NACC2: variants seen among roughly 807,000 people sequenced by gnomAD.
The protein encoded by NACC2 is NACC family member 2.
In NACC2, 8 loss-of-function variants were observed where a neutral mutation model predicts 25.1. The observed-to-expected ratio is 0.32, with a 90% CI of 0.19 to 0.57. NACC2 has a LOEUF of 0.57. NACC2 is among the 20% of genes least tolerant of loss of function. The pLI, the probability that NACC2 is intolerant of heterozygous loss-of-function variation, is 0.89. For missense variants in NACC2, 644 were observed against 650.2 expected (o/e 0.99, Z 0.10); for synonymous variants, 435 against 294.7 (o/e 1.48, Z -4.88).
At chr9:136,041,072 G>C (rs1457069855) in intron 2 of NACC2, among the ~76,000 whole-genome samples, 2 of 149,872 alleles carry the variant, frequency 1.3e-5, no homozygotes, top group African/African-American at 4.9e-5. Flanking sequence ...AGGAAGGAAG[G>C]AAGGAAAGGA....
At chr9:136,017,629 G>A (rs1165695650) in intron 2 of NACC2, among the ~76,000 whole-genome samples, 1 of 150,814 alleles carries the variant, frequency 6.6e-6, no homozygotes, top group East Asian at 2.0e-4. Flanking sequence ...GCGGGCCCCC[G>A]GTGCTCACAT....
rs1377204014 is a variant in NACC2, at chr9:136,049,977, G to A, written c.545C>T (p.Pro182Leu). The A allele has an allele frequency of 3.9e-5, 25 of 637,422 alleles. No individual in the cohort carries two copies. The highest frequency in any genetic ancestry group is 5.3e-5 in the Non-Finnish European group (19 of 357,078). The allele number at this position is 637,422 out of a possible 1,614,324, so 39.5% of individuals were successfully genotyped here. A position where few individuals can be genotyped will look rare whatever the true frequency, so the allele number is the denominator to read the frequency against. The change falls in exon 2 of 6, where the codon CCG (proline) becomes CTG (leucine). Residue 182 changes from proline (P) to leucine (L), a missense_variant. Pro to Leu is a moderately conservative substitution (Grantham distance 98). Coordinates refer to ENST00000277554, the MANE Select transcript of NACC2 (RefSeq NM_144653.5). ...CTTGGGGGCCAGGCCTGGGCCGGCC[G>A]GCGGCAGCTCCATGGCTTCATGCTT... ...RVKHEAMELPPAGPGLAPKRP... is the reference protein window; with the variant it reads ...RVKHEAMELPLAGPGLAPKRP...
intron 1 of NACC2, among the ~76,000 whole-genome samples, chr9:136,094,153 C>A (rs1277704172): frequency 6.6e-6 from 1 of 152,236 alleles, no homozygotes; most frequent in Non-Finnish European, 1.5e-5. Flanking sequence ...AAGGAACGCG[C>A]AGCAGAGAAC....
chr9:136,058,934 C>G (rs774897007), intron 1 of NACC2, among the ~76,000 whole-genome samples: 12 of 152,206 alleles, frequency 7.9e-5, no homozygotes, highest in Non-Finnish European at 1.5e-4. Context: ...TAGCGCTGCC[C>G]CTGGATGGGT....
Position 136,014,094 on chromosome 9 carries a change from C to CT in NACC2, c.1052-126dup, listed in dbSNP as rs1469562869. ...GAGGAGGAGCTGGAAGCTTCTAGGA[C>CT]TTTTTTTGGGGAGGAGCAATTTGAG... is the stretch of plus-strand genomic sequence containing the variant. On this transcript the variant is annotated intron_variant, in intron 3 of 5. Transcript: ENST00000277554. The CT allele has an allele frequency of 5.6e-5, 39 of 697,880 alleles. No individual in the cohort carries two copies. In the African/African-American group the frequency reaches 6.0e-4, roughly 11 times the overall value. 43.2% of individuals were successfully genotyped at this position (697,880 alleles called of 1,614,324 possible). A position where few individuals can be genotyped will look rare whatever the true frequency, so the allele number is the denominator to read the frequency against.
At chr9:136,036,485 A>C (rs1840555886) in intron 2 of NACC2, among the ~76,000 whole-genome samples, 1 of 152,242 alleles carries the variant, frequency 6.6e-6, no homozygotes. Flanking sequence ...ATACATACAC[A>C]CACACATAAA....
Position 136,006,985 on chromosome 9 carries a change from C to G in NACC2, c.*4531G>C, listed in dbSNP as rs1437650859. 6.5e-6 allele frequency: 1 copy of G among 154,026 alleles called. No homozygotes were observed. Among genetic ancestry groups the G allele is most frequent in the Non-Finnish European group, 1.5e-5 (1 of 68,224 alleles). 9.5% of individuals were successfully genotyped at this position (154,026 alleles called of 1,614,324 possible). ...ACAACCGTCTCCTTTTTAAAAGTCT[C>G]TTTTTTCCAAACATTCCATCCGAAG... On this transcript the variant is annotated 3_prime_UTR_variant, in exon 6 of 6. Transcript: ENST00000277554.
At chr9:136,063,536 T>C (rs776224924) in intron 1 of NACC2, among the ~76,000 whole-genome samples, 2 of 152,124 alleles carry the variant, frequency 1.3e-5, no homozygotes, top group Non-Finnish European at 2.9e-5. Flanking sequence ...TTCCCTCCCA[T>C]AAAGTATAGA....
intron 1 of NACC2, among the ~76,000 whole-genome samples, chr9:136,071,505 T>G (rs1206661761): frequency 2.5e-5 from 3 of 122,176 alleles, no homozygotes; most frequent in Non-Finnish European, 4.7e-5. Context: ...ACCATGCCAA[T>G]GCACTCCAGC....
chr9:136,007,085 C>CT lies in NACC2; in HGVS notation c.*4430dup, dbSNP rs371539423. 3.9e-5 allele frequency: 6 copies of CT among 154,194 alleles called. No individual in the cohort carries two copies. Among genetic ancestry groups the CT allele is most frequent in the Middle Eastern group, 5.1e-4 (1 of 1,946 alleles). The allele number at this position is 154,194 out of a possible 1,614,324, so 9.6% of individuals were successfully genotyped here. Reference sequence around the variant, plus strand: ...ATATTTATACATTTTATACTTAGTTCTTTTTTTTGTCTGCTAAAAATAGTA... The same window carrying CT: ...ATATTTATACATTTTATACTTAGTTCTTTTTTTTTGTCTGCTAAAAATAGTA... On this transcript the variant is annotated 3_prime_UTR_variant, in exon 6 of 6. Coordinates refer to ENST00000277554, the MANE Select transcript of NACC2 (RefSeq NM_144653.5).
intron 1 of NACC2, among the ~76,000 whole-genome samples, chr9:136,089,639 G>A (rs964315869): frequency 3.3e-5 from 5 of 151,912 alleles, no homozygotes; most frequent in African/African-American, 1.2e-4. Flanking sequence ...CACAGTTGGG[G>A]GAGGCCCTGG....
chr9:136,016,674 C>T (rs111423151), intron 2 of NACC2, among the ~76,000 whole-genome samples: 11 of 152,254 alleles, frequency 7.2e-5, no homozygotes, highest in East Asian at 3.9e-4. Context: ...CTCTTGTGAA[C>T]GAGTGAGCAG....
chr9:136,055,891 G>A lies in NACC2; in HGVS notation c.-59-5311C>T, dbSNP rs1048910650. ...TCAATCGAAGGCGCTCCTGGAGCGT[G>A]AGAAGGTGTGGGGATGGGGCGGGCC... On this transcript the variant is annotated intron_variant, in intron 1 of 5. Transcript: ENST00000277554. This position sits in a 1 kb window ranked among gnomAD's most constrained non-coding sequence, Gnocchi z 4.9. Among the ~76,000 whole-genome samples, 2 of 152,188 alleles carry A rather than the reference G, an allele frequency of 1.3e-5. No individual in the cohort carries two copies. Among genetic ancestry groups the A allele is most frequent in the African/African-American group, 2.4e-5 (1 of 41,436 alleles).
intron 2 of NACC2, among the ~76,000 whole-genome samples, chr9:136,033,645 T>C (rs1438956907): frequency 1.1e-5 from 1 of 90,696 alleles, no homozygotes; most frequent in African/African-American, 4.0e-5. Context: ...CAAGACTCTG[T>C]CTCAAAAAAA....
intron 2 of NACC2, among the ~76,000 whole-genome samples, chr9:136,038,085 T>A (rs1007247342): frequency 6.6e-6 from 1 of 152,200 alleles, no homozygotes; most frequent in African/African-American, 2.4e-5. Context: ...GGCCACATAC[T>A]GTATACAACA....
chr9:136,089,812 G>A (rs1588586786), intron 1 of NACC2, among the ~76,000 whole-genome samples: 1 of 148,216 alleles, frequency 6.7e-6, no homozygotes, highest in African/African-American at 2.5e-5. Context: ...TCCAATTATA[G>A]CACAAATCTC....
At chr9:136,070,719 T>C (rs1180518986) in intron 1 of NACC2, among the ~76,000 whole-genome samples, 1 of 130,452 alleles carries the variant, frequency 7.7e-6, no homozygotes, top group Admixed American at 7.3e-5. Flanking sequence ...AGAAAAGAAA[T>C]GATAAAAATA....
At position 136,049,831 on chromosome 9, in the gene NACC2, T is replaced by C; in HGVS notation, c.691A>G (p.Thr231Ala). The C allele has an allele frequency of 1.4e-6, 1 of 718,046 alleles. No individual in the cohort carries two copies. Among genetic ancestry groups the C allele is most frequent in the Non-Finnish European group, 2.6e-6 (1 of 385,154 alleles). 44.5% of individuals were successfully genotyped at this position (718,046 alleles called of 1,614,324 possible). A position where few individuals can be genotyped will look rare whatever the true frequency, so the allele number is the denominator to read the frequency against. Residue 231 changes from threonine (T) to alanine (A), a missense_variant, in exon 2 of 6, where the codon ACC becomes GCC. By Grantham distance (58) the Thr-to-Ala change is moderately conservative. Transcript: ENST00000277554. The part of the protein sequence containing the change: ...VSYYGVPSLA[T>A]LIPGIQQMPY... ...ATCTGCTGGATGCCGGGGATGAGGG[T>C]GGCCAGGCTGGGCACCCCGTAGTAG...
At chr9:136,043,969 C>G (rs979358268) in intron 2 of NACC2, among the ~76,000 whole-genome samples, 1 of 152,092 alleles carries the variant, frequency 6.6e-6, no homozygotes, top group African/African-American at 2.4e-5. Context: ...GGACTACAAG[C>G]GTGCATCACC....
Sources: gnomAD v4.1 joint callset for allele counts (sites outside exome capture counted in the v4.1 genomes callset) on GRCh38, gnomAD v4.1.1 for gene constraint, Gnocchi (gnomAD v3.1) non-coding constraint, MANE v1.5 for transcripts, NCBI Gene and HGNC (gene_info 2026-07-23, HGNC 2026-07-21) for gene names.